Variants in DNAH6 observed in about 807,000 individuals in gnomAD.
DNAH6 encodes the protein axonemal beta dynein heavy chain 6.
Under a neutral mutation model 491.4 loss-of-function variants are expected in DNAH6, and 340 were observed. The ratio of observed to expected loss-of-function variants is 0.69; its 90% confidence interval spans 0.63 to 0.76. The LOEUF (loss-of-function observed/expected upper bound fraction) is 0.76, where lower values mean the gene tolerates loss of function less well. DNAH6 is among the 30% of genes least tolerant of loss of function. The pLI is 0.00. For synonymous variants in DNAH6, 1,603 were observed against 1,686.1 expected (o/e 0.95, Z 1.21); for missense variants, 4,443 against 4,972.2 (o/e 0.89, Z 3.20).
At position 84,710,325 on chromosome 2, in the gene DNAH6, T is replaced by C. The variant is rs1696913331; in HGVS notation, c.9291T>C (p.Gly3097=). The C allele has an allele frequency of 1.3e-6, 2 of 1,551,620 alleles. No homozygotes were observed. Among genetic ancestry groups the C allele is most frequent in the Non-Finnish European group, 1.7e-6 (2 of 1,146,942 alleles). The change falls in exon 56 of 77, where the codon GGT becomes GGC. Residue 3097 remains glycine (G), a synonymous_variant. Transcript: ENST00000389394. The part of the protein sequence containing the change: ...RWIRNKESKS[G]LKIIKLTDSN... ...TAAGGAACAAGGAAAGCAAAAGTGG[T>C]TTAAAGATCATTAAGCTTACAGATA...
At position 84,605,573 on chromosome 2, in the gene DNAH6, G is replaced by A; in HGVS notation, c.3155G>A (p.Gly1052Asp). The change falls in exon 20 of 77, where the codon GGC (glycine) becomes GAC (aspartate). Residue 1052 changes from glycine (G) to aspartate (D), a missense_variant. Coordinates refer to ENST00000389394, the MANE Select transcript of DNAH6 (RefSeq NM_001370.2). ...HRDSKDVFIL[G>D]GTDDIQVLLD... ...GACTCCAAAGATGTGTTTATACTGG[G>A]CGGCACAGATGACATACAGGTGGGT... is the stretch of plus-strand genomic sequence containing the variant. 1 of 1,551,314 alleles carries A rather than the reference G, an allele frequency of 6.4e-7. No homozygotes were observed. Among genetic ancestry groups the A allele is most frequent in the Non-Finnish European group, 8.7e-7 (1 of 1,146,748 alleles).
rs1443110070 is a variant in DNAH6 at position 84,787,199 on chromosome 2, C to T, written c.11136C>T (p.Ile3712=). 6 of 1,537,384 alleles carry T rather than the reference C, an allele frequency of 3.9e-6. No individual in the cohort carries two copies. Among genetic ancestry groups the T allele is most frequent in the Admixed American group, 4.1e-5 (2 of 49,062 alleles). Reference sequence around the variant, plus strand: ...AGTTTGGCCCCCTTGGTTGGAATATCTGCTATGAATTTAATGACAGTGACA... The same window carrying T: ...AGTTTGGCCCCCTTGGTTGGAATATTTGCTATGAATTTAATGACAGTGACA... ...RKKFGPLGWN[I]CYEFNDSDRE... is the part of the protein sequence containing the mutation. The change falls in exon 68 of 77, where the codon ATC becomes ATT. Residue 3712 remains isoleucine, a synonymous_variant. Transcript: ENST00000389394.
At chr2:84,486,012 T>C in the DNAH6 span, among the ~76,000 whole-genome samples, 1 of 152,178 alleles carries the variant, frequency 6.6e-6, no homozygotes, top group Non-Finnish European at 1.5e-5. Context: ...TCATTCCTCA[T>C]AGGATAAATA....
intron 10 of DNAH6, among the ~76,000 whole-genome samples, chr2:84,555,699 T>A (rs576869526): frequency 1.3e-5 from 2 of 152,186 alleles, no homozygotes; most frequent in African/African-American, 2.4e-5. Flanking sequence ...ATTGAACTTA[T>A]CGATTTCTTC....
intron 37 of DNAH6, among the ~76,000 whole-genome samples, chr2:84,664,184 C>T (rs892566922): frequency 3.9e-5 from 6 of 152,134 alleles, no homozygotes; most frequent in Non-Finnish European, 8.8e-5. Flanking sequence ...GAAGAAACTG[C>T]ATCAACTAAC....
chr2:84,544,582 G>C (rs1439765498), intron 5 of DNAH6, 82 bp downstream of exon 5: 1 of 772,798 alleles, frequency 1.3e-6, no homozygotes, highest in Non-Finnish European at 2.0e-6. Flanking sequence ...GGTATAGACT[G>C]TTCTTGAAAT....
the DNAH6 span, chr2:84,459,572 G>A: frequency 2.8e-5 from 9 of 317,698 alleles, no homozygotes; most frequent in East Asian, 2.5e-4. Context: ...CGACTGGTTC[G>A]TAGCTTTTGA....
intron 23 of DNAH6, among the ~76,000 whole-genome samples, chr2:84,619,306 A>G (rs1031511890): frequency 5.3e-5 from 8 of 152,216 alleles, no homozygotes; most frequent in African/African-American, 1.9e-4. Context: ...ATTGAATACC[A>G]GGTATGTGTG....
At position 84,666,390 on chromosome 2, in the gene DNAH6, C is replaced by T. The variant is rs561902449; in HGVS notation, c.6085-2899C>T. 6.6e-5 allele frequency among the ~76,000 whole-genome samples: 10 copies of T among 152,276 alleles called. No homozygotes were observed. The South Asian group carries it at 2.1e-3, about 32-fold the overall frequency. On this transcript the variant is annotated intron_variant, in intron 37 of 76. Transcript: ENST00000389394. ...CCCAAAATCTGAAGAAGCTGATAAG[C>T]AACTTCAGCAAAGTCTCAGGATACA...
At chr2:84,736,905 C>T (rs1699577661) in intron 62 of DNAH6, among the ~76,000 whole-genome samples, 1 of 151,944 alleles carries the variant, frequency 6.6e-6, no homozygotes, top group African/African-American at 2.4e-5. Flanking sequence ...TGTTTTGTTC[C>T]AGTTCTTATG....
chr2:84,727,702 A>T lies in DNAH6; in HGVS notation c.10006A>T (p.Thr3336Ser). ...FNTTIETSVK[T>S]ENLQQRLDVL... ...TACCACCATTGAAACTTCTGTAAAG[A>T]CAGAAAATCTACAACAGCGCCTGGA... The change falls in exon 61 of 77, where the codon ACA becomes TCA. Residue 3336 changes from threonine to serine, a missense_variant. Around this residue, in one of 3 missense-constraint regions of DNAH6, gnomAD observed 1,463 missense variants for 1,656.6 expected, o/e 0.88. Coordinates refer to ENST00000389394, the MANE Select transcript of DNAH6 (RefSeq NM_001370.2). 6.4e-7 allele frequency: 1 copy of T among 1,551,276 alleles called. No individual in the cohort carries two copies. The highest frequency in any genetic ancestry group is 8.7e-7 in the Non-Finnish European group (1 of 1,146,566).
chr2:84,583,271 A>G (rs10174924), intron 14 of DNAH6, among the ~76,000 whole-genome samples: 10,971 of 152,270 alleles, frequency 0.072, 1,306 homozygotes, highest in African/African-American at 0.25. Flanking sequence ...CTCTGGGATG[A>G]TCACTGCCCA....
intron 59 of DNAH6, among the ~76,000 whole-genome samples, chr2:84,719,324 C>T (rs1354775214): frequency 1.3e-5 from 2 of 151,932 alleles, no homozygotes; most frequent in African/African-American, 4.8e-5. Context: ...TTATTTCTGG[C>T]GGTTGTGTGT....
intron 53 of DNAH6, among the ~76,000 whole-genome samples, chr2:84,707,314 A>T (rs1359099186): frequency 2.0e-5 from 3 of 152,220 alleles, no homozygotes; most frequent in Non-Finnish European, 4.4e-5. Flanking sequence ...GAGTATCAAA[A>T]AAGAGTTTTC....
chr2:84,750,190 GTT>G (rs199818701), intron 63 of DNAH6, among the ~76,000 whole-genome samples: 9 of 131,496 alleles, frequency 6.8e-5, no homozygotes, highest in Non-Finnish European at 1.2e-4. Flanking sequence ...GTTTGGTTTG[GTT>G]TTTTTTTTTT....
chr2:84,773,573 A>G (rs1437793604), intron 64 of DNAH6, among the ~76,000 whole-genome samples: 2 of 152,102 alleles, frequency 1.3e-5, no homozygotes, highest in African/African-American at 4.8e-5. Flanking sequence ...TTTCTTTTGG[A>G]TATATACCCA....
At chr2:84,617,179 A>G (rs543311633) in intron 23 of DNAH6, among the ~76,000 whole-genome samples, 197 bp downstream of exon 23, 1 of 151,892 alleles carries the variant, frequency 6.6e-6, no homozygotes, top group African/African-American at 2.4e-5. Context: ...ATAAATAGTT[A>G]AGTGGGTAAG....
chr2:84,517,570 C>G (rs1044487817), intron 1 of DNAH6, among the ~76,000 whole-genome samples: 1 of 152,184 alleles, frequency 6.6e-6, no homozygotes, highest in African/African-American at 2.4e-5. Context: ...CAAGAACTTG[C>G]AAGAAATGCA....
Position 84,553,628 on chromosome 2 carries a change from A to ATTTTT in DNAH6, c.1602+612_1602+616dup, listed in dbSNP as rs748931607. Among the ~76,000 whole-genome samples, 685 of 90,948 alleles carry ATTTTT rather than the reference A, an allele frequency of 7.5e-3. 30 individuals are homozygous for ATTTTT. Among genetic ancestry groups the ATTTTT allele is most frequent in the East Asian group, 0.053 (153 of 2,876 alleles). The allele number at this position is 90,948 out of a possible 152,430, so 59.7% of individuals were successfully genotyped here. A position where few individuals can be genotyped will look rare whatever the true frequency, so the allele number is the denominator to read the frequency against. ...CAGGTGTATGCCACCAGGACTGGCTATTTTTTTTTTTTTTTTTTTTTTGTA... is the reference window on the plus strand; with the variant it reads ...CAGGTGTATGCCACCAGGACTGGCTATTTTTTTTTTTTTTTTTTTTTTTTTTTGTA... On this transcript the variant is annotated intron_variant, in intron 10 of 76. Coordinates refer to ENST00000389394, the MANE Select transcript of DNAH6 (RefSeq NM_001370.2).
Sources: gnomAD v4.1 joint callset for allele counts (sites outside exome capture counted in the v4.1 genomes callset) on GRCh38, gnomAD v4.1.1 for gene constraint, gnomAD v4.1.1 regional missense constraint, MANE v1.5 for transcripts, NCBI Gene and HGNC (gene_info 2026-07-23, HGNC 2026-07-21) for gene names.